Variants in HHAT observed in about 807,000 individuals in gnomAD.
HHAT encodes the protein hedgehog acyltransferase.
In HHAT, 47 loss-of-function variants were observed where a neutral mutation model predicts 70.8. That is an observed-to-expected ratio of 0.66 (90% CI 0.53 to 0.85). The LOEUF is 0.85. Among genes scored for constraint, HHAT ranks in the 40% least tolerant of loss-of-function variants. The pLI is 0.00. For synonymous variants in HHAT, 228 were observed against 247.6 expected (o/e 0.92, Z 0.74); for missense variants, 609 against 604.8 (o/e 1.01, Z -0.07).
At chr1:210,378,831 A>G (rs1010027591) in intron 3 of HHAT, among the ~76,000 whole-genome samples, 1 of 152,192 alleles carries the variant, frequency 6.6e-6, no homozygotes, top group Admixed American at 6.5e-5. Context: ...CCTCCATTGA[A>G]TAGACTTATT....
chr1:210,547,879 TAAG>T (rs2095497098), intron 9 of HHAT, among the ~76,000 whole-genome samples: 1 of 152,196 alleles, frequency 6.6e-6, no homozygotes, highest in Non-Finnish European at 1.5e-5. Flanking sequence ...GTGGACATCT[TAAG>T]TGTGTGTGTA....
chr1:210,654,626 T>C (rs1428771110), intron 11 of HHAT, among the ~76,000 whole-genome samples: 2 of 152,194 alleles, frequency 1.3e-5, no homozygotes, highest in African/African-American at 4.8e-5. Flanking sequence ...GCTCTGTATA[T>C]AGTAGGAGCT....
At chr1:210,460,379 G>C (rs1572598571) in intron 7 of HHAT, among the ~76,000 whole-genome samples, 1 of 152,182 alleles carries the variant, frequency 6.6e-6, no homozygotes, top group Non-Finnish European at 1.5e-5. Context: ...TCTTGCTAGG[G>C]TATAAGCCCC....
At chr1:210,475,823 T>C (rs1350772919) in intron 8 of HHAT, among the ~76,000 whole-genome samples, 1 of 152,102 alleles carries the variant, frequency 6.6e-6, no homozygotes, top group Non-Finnish European at 1.5e-5. Context: ...AGACAACCAC[T>C]AGGAATGAGG....
intron 9 of HHAT, among the ~76,000 whole-genome samples, chr1:210,528,702 A>T (rs1162057882): frequency 7.2e-6 from 1 of 139,404 alleles, no homozygotes; most frequent in African/African-American, 2.7e-5. Flanking sequence ...CATAATACCA[A>T]TGTTTGCAAT....
At chr1:210,440,159 A>G (rs2093472056) in intron 7 of HHAT, among the ~76,000 whole-genome samples, 1 of 151,582 alleles carries the variant, frequency 6.6e-6, no homozygotes, top group South Asian at 2.1e-4. Context: ...GGCAGCCTAC[A>G]CCATATTTCT....
intron 11 of HHAT, among the ~76,000 whole-genome samples, chr1:210,673,739 A>T (rs1162689683): frequency 6.6e-6 from 1 of 151,044 alleles, no homozygotes. Flanking sequence ...CTACAGAAAC[A>T]TGCCACCATG....
intron 10 of HHAT, among the ~76,000 whole-genome samples, chr1:210,614,979 A>G (rs915663728): frequency 2.0e-5 from 3 of 152,214 alleles, no homozygotes; most frequent in African/African-American, 7.2e-5. Flanking sequence ...TCCCTGAGGA[A>G]TCACCACACT....
In HHAT at chr1:210,587,995, G is replaced by A. The variant is rs755024350; in HGVS notation, c.1141G>A (p.Gly381Ser). ...TFAFVSYWHG[G>S]YDYLWCWAAL... ...TGCATTTGTGAGCTACTGGCATGGC[G>A]GCTACGACTACCTCTGGTGCTGGGC... The change falls in exon 10 of 12, where the codon GGC (glycine) becomes AGC (serine). Residue 381 changes from glycine (G) to serine (S), a missense_variant. Transcript: ENST00000261458. 1.2e-5 allele frequency: 20 copies of A among 1,614,082 alleles called. No individual in the cohort carries two copies. Among genetic ancestry groups the A allele is most frequent in the South Asian group, 6.6e-5 (6 of 91,076 alleles).
chr1:210,495,201 TTATATA>T (rs1346036761), intron 8 of HHAT, among the ~76,000 whole-genome samples: 1 of 151,488 alleles, frequency 6.6e-6, no homozygotes, highest in Admixed American at 6.6e-5. Flanking sequence ...ATTATAAACT[TTATATA>T]TAGTATAGAA....
At chr1:210,329,281 C>G (rs2084772406) in intron 1 of HHAT, 177 bp downstream of exon 1, 3 of 1,224,732 alleles carry the variant, frequency 2.4e-6, no homozygotes, top group Non-Finnish European at 1.0e-6. Context: ...AAGACAAAAG[C>G]GGCGGGGGCC....
At chr1:210,492,960 C>T (rs1052581061) in intron 8 of HHAT, among the ~76,000 whole-genome samples, 5 of 152,064 alleles carry the variant, frequency 3.3e-5, no homozygotes, top group Non-Finnish European at 2.9e-5. Context: ...GGCTCCAATT[C>T]TTAAATAGTT....
intron 3 of HHAT, among the ~76,000 whole-genome samples, chr1:210,382,267 A>G (rs1253161067): frequency 1.3e-5 from 2 of 152,186 alleles, no homozygotes; most frequent in Admixed American, 6.5e-5. Context: ...GGTGACAAGC[A>G]CTTTCTTAGT....
chr1:210,591,846 A>G (rs1661784226), intron 10 of HHAT, among the ~76,000 whole-genome samples: 1 of 152,100 alleles, frequency 6.6e-6, no homozygotes, highest in Admixed American at 6.6e-5. Flanking sequence ...AGAAATGTCT[A>G]TTCAGATCTT....
intron 9 of HHAT, among the ~76,000 whole-genome samples, chr1:210,522,625 G>T (rs1325834210): frequency 7.2e-5 from 11 of 152,266 alleles, no homozygotes; most frequent in Admixed American, 6.5e-5. Context: ...GTTTCTGGAG[G>T]AAAAGAATAA....
intron 7 of HHAT, among the ~76,000 whole-genome samples, chr1:210,450,906 C>A (rs952938859): frequency 2.4e-4 from 36 of 151,898 alleles, no homozygotes; most frequent in Admixed American, 8.5e-4. Flanking sequence ...CACGGTGAAA[C>A]CCCGTCTCTA....
At chr1:210,656,299 C>T (rs995002276) in intron 11 of HHAT, among the ~76,000 whole-genome samples, 1 of 151,554 alleles carries the variant, frequency 6.6e-6, no homozygotes, top group African/African-American at 2.4e-5. Flanking sequence ...GAAGTGGCGG[C>T]TGTGTGACAG....
chr1:210,440,644 C>T (rs530596931), intron 7 of HHAT, among the ~76,000 whole-genome samples: 12 of 151,814 alleles, frequency 7.9e-5, no homozygotes, highest in Admixed American at 2.6e-4. Flanking sequence ...ATTGTCTACT[C>T]GGTCACCCAG....
At chr1:210,500,549 G>C (rs1006629613) in intron 8 of HHAT, among the ~76,000 whole-genome samples, 1 of 152,142 alleles carries the variant, frequency 6.6e-6, no homozygotes, top group African/African-American at 2.4e-5. Flanking sequence ...CTGTCTGTAC[G>C]TAATTTTTGG....
Sources: gnomAD v4.1 joint callset for allele counts (sites outside exome capture counted in the v4.1 genomes callset) on GRCh38, gnomAD v4.1.1 for gene constraint, MANE v1.5 for transcripts, NCBI Gene and HGNC (gene_info 2026-07-23, HGNC 2026-07-21) for gene names.